The following FOXJ3 variants were observed in gnomAD, a reference collection of about 807,000 sequenced individuals.
FOXJ3 encodes the protein forkhead box J3.
A neutral mutation model predicts 76.1 loss-of-function variants in FOXJ3; 22 were observed. That is an observed-to-expected ratio of 0.29 (90% confidence interval 0.21 to 0.41). FOXJ3 has a LOEUF of 0.41. Ranked by LOEUF, FOXJ3 falls within the 10% of genes least tolerant of loss-of-function variation. FOXJ3 has a pLI of 1.00. For missense variants in FOXJ3, 613 were observed against 762.1 expected (o/e 0.80, Z 2.30); for synonymous variants, 269 against 261.2 (o/e 1.03, Z -0.29).
intron 5 of FOXJ3, among the ~76,000 whole-genome samples, chr1:42,210,773 C>T (rs912826803): frequency 6.6e-6 from 1 of 152,110 alleles, no homozygotes; most frequent in African/African-American, 2.4e-5. Context: ...TGCTGGTACC[C>T]GCTGCTGGGA....
At chr1:42,229,144 T>G (rs995093828) in intron 4 of FOXJ3, among the ~76,000 whole-genome samples, 1 of 152,140 alleles carries the variant, frequency 6.6e-6, no homozygotes, top group African/African-American at 2.4e-5. Flanking sequence ...CCTTCAAATT[T>G]TACCTCGGAT....
At chr1:42,262,126 T>C (rs1232708768) in intron 4 of FOXJ3, among the ~76,000 whole-genome samples, 1 of 152,288 alleles carries the variant, frequency 6.6e-6, no homozygotes, top group Non-Finnish European at 1.5e-5. Context: ...AAAGACATAC[T>C]TGCCACTAAT....
intron 5 of FOXJ3, among the ~76,000 whole-genome samples, chr1:42,223,152 A>G (rs2124433490): frequency 6.6e-6 from 1 of 152,354 alleles, no homozygotes. Flanking sequence ...TGATAAAATG[A>G]CACTACATAT....
intron 2 of FOXJ3, among the ~76,000 whole-genome samples, chr1:42,307,107 T>C (rs1654517239): frequency 6.6e-6 from 1 of 152,238 alleles, no homozygotes; most frequent in Admixed American, 6.5e-5. Flanking sequence ...TCTTCCTATC[T>C]AATCTTCAGG....
At chr1:42,228,774 T>TG (rs1647808867) in intron 4 of FOXJ3, among the ~76,000 whole-genome samples, 1 of 151,644 alleles carries the variant, frequency 6.6e-6, no homozygotes, top group Admixed American at 6.6e-5. Context: ...CACACACACA[T>TG]GGGGGAGGAA....
At chr1:42,322,199 G>C (rs1655472466) in intron 1 of FOXJ3, among the ~76,000 whole-genome samples, 1 of 152,040 alleles carries the variant, frequency 6.6e-6, no homozygotes, top group Admixed American at 6.6e-5. Flanking sequence ...GGAGATTTAA[G>C]AAATATAACA....
In FOXJ3 at chr1:42,259,322, T is replaced by G. The variant is rs571197328; in HGVS notation, c.444+5793A>C. On this transcript the variant is annotated intron_variant, in intron 4 of 12. Transcript: ENST00000361346. ...GATTACAGTGATGGTTACGCTGTGTTTGTTGAAACTAATAGAATTACACAC... is the reference window on the plus strand; with the variant it reads ...GATTACAGTGATGGTTACGCTGTGTGTGTTGAAACTAATAGAATTACACAC... 7.2e-5 allele frequency among the ~76,000 whole-genome samples: 11 copies of G among 152,340 alleles called. No homozygotes were observed. In the South Asian group the frequency reaches 2.3e-3, roughly 32 times the overall value.
At chr1:42,196,526 C>T (rs1646654432) in intron 7 of FOXJ3, among the ~76,000 whole-genome samples, 1 of 152,130 alleles carries the variant, frequency 6.6e-6, no homozygotes, top group South Asian at 2.1e-4. Context: ...AACCCTGCCT[C>T]AATTAAAAAT....
At chr1:42,303,626 A>G (rs573927781) in intron 2 of FOXJ3, among the ~76,000 whole-genome samples, 1 of 152,350 alleles carries the variant, frequency 6.6e-6, no homozygotes, top group African/African-American at 2.4e-5. Context: ...GACAAATTAG[A>G]TCAATAATAA....
chr1:42,186,132 G>A (rs1031091564), intron 11 of FOXJ3, among the ~76,000 whole-genome samples: 1 of 152,078 alleles, frequency 6.6e-6, no homozygotes, highest in Non-Finnish European at 1.5e-5. Context: ...CAGAGATGAG[G>A]GAAGTAAAAG....
At chr1:42,231,252 G>A (rs1360438589) in intron 4 of FOXJ3, among the ~76,000 whole-genome samples, 2 of 152,070 alleles carry the variant, frequency 1.3e-5, no homozygotes, top group East Asian at 1.9e-4. Context: ...CGTGAACCCA[G>A]AAGGCAGAGC....
Position 42,179,755 on chromosome 1 carries a change from A to C in FOXJ3, c.1824T>G (p.Pro608=), listed in dbSNP as rs755731005. ...CAAAGTCATCCTGGATGTCATCTGG[A>C]GGCAGGGAACGCCGCATCTGGAAGG... ...SQAFQMRRSL[P]PDDIQDDFDW... The change falls in exon 13 of 13, where the codon CCT becomes CCG. Residue 608 remains proline (P), a synonymous_variant. Coordinates refer to ENST00000361346, the MANE Select transcript of FOXJ3 (RefSeq NM_014947.5). The C allele has an allele frequency of 1.2e-5, 20 of 1,613,854 alleles. No individual in the cohort carries two copies. The highest frequency in any genetic ancestry group is 1.7e-5 in the Non-Finnish European group (20 of 1,179,888).
At chr1:42,315,029 A>C (rs990532458) in intron 1 of FOXJ3, among the ~76,000 whole-genome samples, 5 of 152,258 alleles carry the variant, frequency 3.3e-5, no homozygotes, top group Non-Finnish European at 5.9e-5. Flanking sequence ...GTACTTTTAC[A>C]TGCTACCACA....
intron 2 of FOXJ3, among the ~76,000 whole-genome samples, chr1:42,287,857 A>C (rs1418986159): frequency 6.6e-6 from 1 of 152,106 alleles, no homozygotes; most frequent in Non-Finnish European, 1.5e-5. Flanking sequence ...CCAGCTACCC[A>C]GAAGGCTAAG....
At chr1:42,248,421 C>A (rs919092751) in intron 4 of FOXJ3, among the ~76,000 whole-genome samples, 1 of 151,828 alleles carries the variant, frequency 6.6e-6, no homozygotes, top group Admixed American at 6.6e-5. Context: ...GTAGTCCCAG[C>A]TACTCGGGAG....
At chr1:42,328,800 G>A (rs956321616) in intron 1 of FOXJ3, among the ~76,000 whole-genome samples, 1 of 150,898 alleles carries the variant, frequency 6.6e-6, no homozygotes, top group African/African-American at 2.4e-5. Flanking sequence ...CCAAATAGCT[G>A]GGACTGCAGG....
At chr1:42,317,206 G>A (rs1389184164) in intron 1 of FOXJ3, among the ~76,000 whole-genome samples, 4 of 152,022 alleles carry the variant, frequency 2.6e-5, no homozygotes, top group Non-Finnish European at 2.9e-5. Context: ...CAAGAAACTT[G>A]ACTGAACATT....
intron 1 of FOXJ3, among the ~76,000 whole-genome samples, chr1:42,330,474 C>CA (rs1164792655): frequency 3.3e-5 from 5 of 151,968 alleles, no homozygotes; most frequent in Non-Finnish European, 7.4e-5. Flanking sequence ...CACTTCTCTA[C>CA]AAAAAATACA....
intron 4 of FOXJ3, among the ~76,000 whole-genome samples, chr1:42,245,535 T>A (rs1437683558): frequency 6.6e-6 from 1 of 152,144 alleles, no homozygotes; most frequent in Admixed American, 6.5e-5. Flanking sequence ...TCAATAAACC[T>A]AACACATCAC....
Sources: gnomAD v4.1 joint callset for allele counts (sites outside exome capture counted in the v4.1 genomes callset) on GRCh38, gnomAD v4.1.1 for gene constraint, MANE v1.5 for transcripts, NCBI Gene and HGNC (gene_info 2026-07-23, HGNC 2026-07-21) for gene names.